CMSS1: variants seen among roughly 807,000 people sequenced by gnomAD.
CMSS1 encodes cms1 ribosomal small subunit homolog.
In CMSS1, 33 loss-of-function variants were observed where a neutral mutation model predicts 43.5. The observed-to-expected ratio is 0.76, with a 90% CI of 0.57 to 1.01. The LOEUF (loss-of-function observed/expected upper bound fraction) is 1.01, where lower values mean the gene tolerates loss of function less well. Among genes scored for constraint, CMSS1 ranks in the 50% least tolerant of loss-of-function variants. The probability of loss-of-function intolerance (pLI) is 0.00; values close to 1 mark genes in which losing one functional copy is unlikely to be tolerated. For synonymous variants in CMSS1, 115 were observed against 117.2 expected (o/e 0.98, Z 0.12); for missense variants, 313 against 326.4 (o/e 0.96, Z 0.32).
chr3:100,145,280 A>G (rs904703931), intron 1 of CMSS1, among the ~76,000 whole-genome samples: 4 of 152,012 alleles, frequency 2.6e-5, no homozygotes, highest in African/African-American at 9.7e-5. Context: ...GCCTCTACTA[A>G]AAACACAAAA....
chr3:99,980,104 A>C (rs1370951124), intron 1 of CMSS1, among the ~76,000 whole-genome samples: 1 of 152,172 alleles, frequency 6.6e-6, no homozygotes, highest in African/African-American at 2.4e-5. Context: ...GAGAAGCCTA[A>C]TTCAGGCAGT....
intron 1 of CMSS1, among the ~76,000 whole-genome samples, chr3:100,037,741 A>G (rs888172463): frequency 1.3e-5 from 2 of 152,166 alleles, no homozygotes; most frequent in African/African-American, 4.8e-5. Flanking sequence ...TGGGAAGCTC[A>G]TTGCATAAAG....
intron 1 of CMSS1, among the ~76,000 whole-genome samples, chr3:99,909,663 G>T (rs1321618508): frequency 6.6e-6 from 1 of 152,020 alleles, no homozygotes. Context: ...AGTGTGTCAT[G>T]TTTTTCATCA....
At chr3:100,021,261 T>C (rs1462869321) in intron 1 of CMSS1, among the ~76,000 whole-genome samples, 1 of 152,212 alleles carries the variant, frequency 6.6e-6, no homozygotes, top group Non-Finnish European at 1.5e-5. Flanking sequence ...CCTATAGAGC[T>C]CTCCTTATAT....
At chr3:100,121,057 C>T (rs1266376643) in intron 1 of CMSS1, among the ~76,000 whole-genome samples, 3 of 152,300 alleles carry the variant, frequency 2.0e-5, no homozygotes, top group African/African-American at 7.2e-5. Context: ...AAACCACTTA[C>T]GTCACAGCTT....
At chr3:100,077,978 C>T (rs2065876036) in intron 1 of CMSS1, among the ~76,000 whole-genome samples, 3 of 151,862 alleles carry the variant, frequency 2.0e-5, no homozygotes, top group Non-Finnish European at 4.4e-5. Context: ...TACTCAGACT[C>T]TAAAATGGAA....
intron 3 of CMSS1, among the ~76,000 whole-genome samples, chr3:100,160,739 A>G (rs141754089): frequency 2.0e-5 from 3 of 152,266 alleles, no homozygotes; most frequent in Non-Finnish European, 4.4e-5. Context: ...TATCTTTGTT[A>G]CCCACCCTAT....
intron 1 of CMSS1, among the ~76,000 whole-genome samples, chr3:100,014,963 C>T (rs1471987077): frequency 2.0e-5 from 2 of 102,444 alleles, no homozygotes; most frequent in Admixed American, 1.4e-4. Context: ...AAAATTATTT[C>T]CCCTACCAAT....
chr3:99,873,278 T>C (rs1053876966), intron 1 of CMSS1, among the ~76,000 whole-genome samples: 1 of 152,220 alleles, frequency 6.6e-6, no homozygotes, highest in African/African-American at 2.4e-5. Flanking sequence ...CATGGTCAAA[T>C]ACAAATTAAA....
intron 1 of CMSS1, among the ~76,000 whole-genome samples, chr3:99,969,627 G>A (rs1708755697): frequency 6.6e-6 from 1 of 152,198 alleles, no homozygotes; most frequent in Non-Finnish European, 1.5e-5. Flanking sequence ...CCAGAGATTG[G>A]AGAGCAGAGG....
At chr3:100,076,128 A>T (rs11708650) in intron 1 of CMSS1, among the ~76,000 whole-genome samples, 11 of 152,330 alleles carry the variant, frequency 7.2e-5, no homozygotes, top group African/African-American at 1.2e-4. Flanking sequence ...ATTAAGAAAT[A>T]TATTTGTTAG....
intron 1 of CMSS1, among the ~76,000 whole-genome samples, chr3:99,934,081 C>T (rs1030666088): frequency 6.6e-6 from 1 of 152,206 alleles, no homozygotes; most frequent in Non-Finnish European, 1.5e-5. Flanking sequence ...GTATGTGACT[C>T]TCAACTTACA....
chr3:100,134,470 A>G (rs928200816), intron 1 of CMSS1, among the ~76,000 whole-genome samples: 1 of 152,224 alleles, frequency 6.6e-6, no homozygotes, highest in African/African-American at 2.4e-5. Flanking sequence ...TTTGGGGATC[A>G]AATAAGTTCG....
chr3:100,035,681 C>T (rs2065096070), intron 1 of CMSS1, among the ~76,000 whole-genome samples: 1 of 152,156 alleles, frequency 6.6e-6, no homozygotes, highest in Non-Finnish European at 1.5e-5. Context: ...AAACTTTTAT[C>T]ATTCTGATAT....
rs753357764 is a variant in CMSS1 at position 99,929,922 on chromosome 3, C to T, written c.64+111879C>T. 5 of 1,613,780 alleles carry T rather than the reference C, an allele frequency of 3.1e-6. No homozygotes were observed. The African/African-American group carries it at 5.3e-5, about 17-fold the overall frequency. On this transcript the variant is annotated intron_variant, in intron 1 of 9. Coordinates refer to ENST00000421999, the MANE Select transcript of CMSS1 (RefSeq NM_032359.4). ...TAGATTTCGCTTGAAAAGCATCTCT[C>T]TGGAGAGCCTCTAACACCTTTTTTG...
chr3:99,923,243 C>T (rs1707180899), intron 1 of CMSS1, among the ~76,000 whole-genome samples: 1 of 152,146 alleles, frequency 6.6e-6, no homozygotes, highest in Admixed American at 6.5e-5. Context: ...GTCCATATCA[C>T]CAGCCCATCC....
At chr3:99,883,812 T>G (rs1705808402) in intron 1 of CMSS1, among the ~76,000 whole-genome samples, 1 of 152,200 alleles carries the variant, frequency 6.6e-6, no homozygotes, top group African/African-American at 2.4e-5. Context: ...TTAATCCACA[T>G]AATAACCCTA....
At chr3:99,858,565 A>C (rs1944089054) in intron 1 of CMSS1, among the ~76,000 whole-genome samples, 1 of 152,216 alleles carries the variant, frequency 6.6e-6, no homozygotes, top group Non-Finnish European at 1.5e-5. Context: ...ACTTTTACAA[A>C]ATTATTTAGT....
At chr3:99,842,387 A>C (rs1415565406) in intron 1 of CMSS1, among the ~76,000 whole-genome samples, 2 of 152,108 alleles carry the variant, frequency 1.3e-5, no homozygotes, top group Admixed American at 1.3e-4. Context: ...TACAGTGTAC[A>C]CTGCTCGAGT....
Sources: allele counts gnomAD v4.1 joint callset (sites outside exome capture counted in the v4.1 genomes callset), GRCh38; gene constraint gnomAD v4.1.1; transcripts MANE v1.5; gene names NCBI Gene and HGNC (gene_info 2026-07-23, HGNC 2026-07-21).